The following PTPRT variants were observed in gnomAD, a reference collection of about 807,000 sequenced individuals.
The protein encoded by PTPRT is protein tyrosine phosphatase receptor type T, also known as receptor-type tyrosine-protein phosphatase T.
PTPRT carries 56 observed loss-of-function variants against 176.8 expected under a neutral mutation model. That is an observed-to-expected ratio of 0.32 (90% CI 0.26 to 0.40). The LOEUF (loss-of-function observed/expected upper bound fraction) is 0.40. Among genes scored for constraint, PTPRT ranks in the 10% least tolerant of loss-of-function variants. The probability of loss-of-function intolerance (pLI) is 1.00; values close to 1 mark genes in which losing one functional copy is unlikely to be tolerated. For synonymous variants in PTPRT, 783 were observed against 739.0 expected (o/e 1.06, Z -0.96); for missense variants, 1,540 against 1,908.2 (o/e 0.81, Z 3.60).
intron 1 of PTPRT, among the ~76,000 whole-genome samples, chr20:42,999,113 A>T (rs1984385248): frequency 6.6e-6 from 1 of 152,224 alleles, no homozygotes; most frequent in Non-Finnish European, 1.5e-5. Context: ...GGTAGGCATG[A>T]GGAAAAGAAA....
At chr20:42,250,892 T>C (rs1418810087) in intron 13 of PTPRT, among the ~76,000 whole-genome samples, 4 of 152,206 alleles carry the variant, frequency 2.6e-5, no homozygotes, top group Non-Finnish European at 5.9e-5. Flanking sequence ...ACTCATCAAA[T>C]TCCAGGGCTG....
intron 1 of PTPRT, among the ~76,000 whole-genome samples, chr20:43,044,489 A>C (rs1986755356): frequency 6.6e-6 from 1 of 152,058 alleles, no homozygotes; most frequent in Admixed American, 6.5e-5. Flanking sequence ...TCAGAAACAA[A>C]CTTCATAACG....
chr20:42,124,495 A>G (rs901620098), intron 19 of PTPRT, among the ~76,000 whole-genome samples: 12 of 152,202 alleles, frequency 7.9e-5, no homozygotes, highest in Admixed American at 7.8e-4. Flanking sequence ...TTCAGACAGT[A>G]ACAGACCACG....
intron 1 of PTPRT, among the ~76,000 whole-genome samples, chr20:43,020,646 TG>T (rs1215075786): frequency 6.6e-6 from 1 of 152,166 alleles, no homozygotes; most frequent in Non-Finnish European, 1.5e-5. Context: ...GAGAGCGGCC[TG>T]CCCTAAGCAT....
rs369936742 is a variant in PTPRT, at chr20:42,204,105, C to T, written c.2343-4717G>A. ...ATTACAACCACTTTAAAAGTAGATA[C>T]GTGCAAAGAAAGAGAAGGAAACGCC... On this transcript the variant is annotated intron_variant, in intron 15 of 30. Coordinates refer to ENST00000373187, the MANE Select transcript of PTPRT (RefSeq NM_007050.6). Among the ~76,000 whole-genome samples the T allele has an allele frequency of 1.5e-4, 23 of 152,220 alleles. No individual in the cohort carries two copies. In the South Asian group the frequency reaches 4.2e-3, roughly 27 times the overall value.
At chr20:42,719,393 G>A (rs147945363) in intron 6 of PTPRT, among the ~76,000 whole-genome samples, 301 of 152,308 alleles carry the variant, frequency 2.0e-3, no homozygotes, top group Non-Finnish European at 3.7e-3. Flanking sequence ...AGGTTCAGCT[G>A]TAGAAATTGT....
intron 7 of PTPRT, among the ~76,000 whole-genome samples, chr20:42,607,177 A>G (rs13038923): frequency 0.47 from 63,448 of 135,424 alleles, 16,381 homozygotes; most frequent in African/African-American, 0.74. Flanking sequence ...GGTGGCTACC[A>G]GGGGGTGGGA....
chr20:42,237,238 A>AT (rs1208411698), intron 14 of PTPRT, among the ~76,000 whole-genome samples: 1 of 152,156 alleles, frequency 6.6e-6, no homozygotes, highest in Non-Finnish European at 1.5e-5. Context: ...AAGCCATTAG[A>AT]TTTTGGGGGT....
At chr20:42,313,877 A>G (rs1359348082) in intron 12 of PTPRT, among the ~76,000 whole-genome samples, 1 of 152,188 alleles carries the variant, frequency 6.6e-6, no homozygotes, top group Non-Finnish European at 1.5e-5. Flanking sequence ...TGAACCAGTA[A>G]TAAATGCAGA....
intron 7 of PTPRT, among the ~76,000 whole-genome samples, chr20:42,507,067 C>T (rs2071859578): frequency 6.6e-6 from 1 of 152,132 alleles, no homozygotes; most frequent in African/African-American, 2.4e-5. Context: ...GGAGTAAAAA[C>T]ACGCCCCAAA....
intron 7 of PTPRT, among the ~76,000 whole-genome samples, chr20:42,648,972 C>T (rs1000833894): frequency 1.3e-5 from 2 of 151,882 alleles, no homozygotes; most frequent in Non-Finnish European, 2.9e-5. Flanking sequence ...GCACCTGCCA[C>T]CATGCCTGGC....
chr20:42,826,845 A>T (rs1042609248), intron 2 of PTPRT, among the ~76,000 whole-genome samples: 1 of 152,212 alleles, frequency 6.6e-6, no homozygotes, highest in Non-Finnish European at 1.5e-5. Context: ...ACAAAAGCTC[A>T]AAATAAAGGG....
intron 9 of PTPRT, among the ~76,000 whole-genome samples, chr20:42,353,465 C>T (rs6072694): frequency 0.18 from 27,629 of 151,986 alleles, 3,075 homozygotes; most frequent in African/African-American, 0.31. Context: ...AAGACCATGC[C>T]CCATGTGACA....
At position 42,764,372 on chromosome 20, in the gene PTPRT, A is replaced by G. The variant is rs185809777; in HGVS notation, c.684+7063T>C. ...GGGGTGGGGAGGCAATTCAAAAATA[A>G]TTCCAAGGGCATTTTATTTCATTGA... On this transcript the variant is annotated intron_variant, in intron 5 of 30. Transcript: ENST00000373187. 5.8e-4 allele frequency among the ~76,000 whole-genome samples: 88 copies of G among 152,346 alleles called. 1 individual carries two copies. The highest frequency in any genetic ancestry group is 2.0e-3 in the African/African-American group (85 of 41,584).
At chr20:43,182,295 A>G (rs1017007210) in intron 1 of PTPRT, among the ~76,000 whole-genome samples, 3 of 152,226 alleles carry the variant, frequency 2.0e-5, no homozygotes, top group Non-Finnish European at 4.4e-5. Flanking sequence ...GAGCTGGAAC[A>G]TAACTGTGGA....
chr20:42,068,038 C>T (rs1185412023), downstream of PTPRT, among the ~76,000 whole-genome samples: 1 of 152,144 alleles, frequency 6.6e-6, no homozygotes, highest in Non-Finnish European at 1.5e-5. Context: ...TGAAAAGTCG[C>T]ATGAAATACA....
At chr20:42,271,860 G>C (rs1304044516) in intron 13 of PTPRT, among the ~76,000 whole-genome samples, 3 of 152,166 alleles carry the variant, frequency 2.0e-5, no homozygotes, top group Non-Finnish European at 4.4e-5. Flanking sequence ...TGAGAAGATA[G>C]AGTATTCCAG....
chr20:42,650,020 C>A (rs2075000868), intron 7 of PTPRT, among the ~76,000 whole-genome samples: 1 of 152,210 alleles, frequency 6.6e-6, no homozygotes, highest in African/African-American at 2.4e-5. Flanking sequence ...TTACATCTCA[C>A]TGGCTAACAC....
At chr20:43,179,396 G>A (rs564505479) in intron 1 of PTPRT, among the ~76,000 whole-genome samples, 48 of 152,210 alleles carry the variant, frequency 3.2e-4, no homozygotes, top group African/African-American at 8.4e-4. Context: ...TAAAATAAGC[G>A]CCAATTTTAA....
Sources: gnomAD v4.1 joint callset for allele counts (sites outside exome capture counted in the v4.1 genomes callset) on GRCh38, gnomAD v4.1.1 for gene constraint, MANE v1.5 for transcripts, NCBI Gene and HGNC (gene_info 2026-07-23, HGNC 2026-07-21) for gene names.